Variants in TTLL9 observed in about 807,000 individuals in gnomAD.
The protein encoded by TTLL9 is tubulin tyrosine ligase like 9.
TTLL9 carries 47 observed loss-of-function variants against 65.6 expected under a neutral mutation model. That is an observed-to-expected ratio of 0.72 (90% CI 0.57 to 0.91). The LOEUF (loss-of-function observed/expected upper bound fraction) is 0.91, where lower values mean the gene tolerates loss of function less well. Among genes scored for constraint, TTLL9 ranks in the 40% least tolerant of loss-of-function variants. TTLL9 has a pLI of 0.00. For synonymous variants in TTLL9, 179 were observed against 204.8 expected, an observed-to-expected ratio of 0.87 and a Z score of 1.07; for missense variants, 537 against 568.8, an observed-to-expected ratio of 0.94 and a Z score of 0.57.
chr20:31,929,292 A>G (rs1448975673), intron 10 of TTLL9, among the ~76,000 whole-genome samples: 2 of 152,256 alleles, frequency 1.3e-5, no homozygotes, highest in Non-Finnish European at 2.9e-5. Flanking sequence ...AATTGTTTCT[A>G]CAATGGATAG....
At chr20:31,915,182 G>C (rs1488998356) in intron 6 of TTLL9, among the ~76,000 whole-genome samples, 1 of 152,196 alleles carries the variant, frequency 6.6e-6, no homozygotes, top group Non-Finnish European at 1.5e-5. Flanking sequence ...ATTCCTAATA[G>C]AAAGGAATGT....
At chr20:31,913,406 A>G (rs893103076) in intron 6 of TTLL9, among the ~76,000 whole-genome samples, 3 of 152,124 alleles carry the variant, frequency 2.0e-5, no homozygotes, top group Non-Finnish European at 4.4e-5. Context: ...AAAACAGAAC[A>G]TTGCCCTAAA....
At chr20:31,890,006 CTTT>C (rs2063268632) in intron 3 of TTLL9, among the ~76,000 whole-genome samples, 1 of 139,564 alleles carries the variant, frequency 7.2e-6, no homozygotes, top group African/African-American at 3.0e-5. Context: ...TTCTTTCTTT[CTTT>C]CTTTCTTTCT....
intron 2 of TTLL9, among the ~76,000 whole-genome samples, chr20:31,881,365 T>C (rs1173950564): frequency 6.6e-6 from 1 of 152,206 alleles, no homozygotes; most frequent in Non-Finnish European, 1.5e-5. Flanking sequence ...CTACAGTTGA[T>C]ACATGTTGAA....
chr20:31,894,772 C>T (rs1419810248), intron 3 of TTLL9, among the ~76,000 whole-genome samples: 12 of 151,758 alleles, frequency 7.9e-5, no homozygotes, highest in Admixed American at 4.6e-4. Flanking sequence ...ATAGAGTATG[C>T]GAGCTCCTTC....
At chr20:31,887,351 A>G (rs996292829) in intron 3 of TTLL9, 112 bp downstream of exon 3, 9 of 1,200,950 alleles carry the variant, frequency 7.5e-6, no homozygotes, top group African/African-American at 3.0e-5. Flanking sequence ...TGAAAATGAT[A>G]GTAGAAGGAG....
At chr20:31,923,969 T>C (rs1485252819) in intron 8 of TTLL9, among the ~76,000 whole-genome samples, 2 of 152,152 alleles carry the variant, frequency 1.3e-5, no homozygotes, top group Non-Finnish European at 2.9e-5. Context: ...CTTGGGCATC[T>C]GCCAACCACT....
chr20:31,889,517 G>A (rs2063251667), intron 3 of TTLL9, among the ~76,000 whole-genome samples: 1 of 151,582 alleles, frequency 6.6e-6, no homozygotes, highest in South Asian at 2.1e-4. Flanking sequence ...CTGCCTCCCG[G>A]GTTCAAGTGA....
intron 4 of TTLL9, chr20:31,901,344 C>T (rs547171859): frequency 4.6e-5 from 7 of 152,236 alleles, no homozygotes; most frequent in Admixed American, 2.6e-4. Flanking sequence ...CTGACCCCTG[C>T]GATTTTCTCC....
intron 5 of TTLL9, among the ~76,000 whole-genome samples, chr20:31,909,437 C>T (rs752400194): frequency 1.5e-4 from 23 of 152,118 alleles, no homozygotes; most frequent in African/African-American, 4.8e-4. Context: ...CCACTGCGCC[C>T]GGCCAAAAGC....
intron 6 of TTLL9, among the ~76,000 whole-genome samples, chr20:31,917,224 C>T (rs962169100): frequency 1.3e-5 from 2 of 152,214 alleles, no homozygotes; most frequent in Non-Finnish European, 2.9e-5. Flanking sequence ...TCTCAGGCCC[C>T]TTTCCACTCA....
rs533366648 is a variant in TTLL9, at chr20:31,912,160, C to A, written c.504+2238C>A. 2.0e-5 allele frequency among the ~76,000 whole-genome samples: 3 copies of A among 152,284 alleles called. No homozygotes were observed. In the East Asian group the frequency reaches 5.8e-4, roughly 29 times the overall value. ...ATATCAAGGGCTTGGCATTAGGTGC[C>A]TGATAATTGACCATTTTCATTGTTA... On this transcript the variant is annotated intron_variant, in intron 6 of 14. Transcript: ENST00000535842.
rs2064134825 is a variant in TTLL9 at position 31,937,597 on chromosome 20, C to A, written c.1118+88C>A. The A allele has an allele frequency of 8.9e-6, 9 of 1,016,852 alleles. No homozygotes were observed. In the South Asian group the frequency reaches 1.1e-4, roughly 12 times the overall value. The allele number at this position is 1,016,852 out of a possible 1,614,324, so 63.0% of individuals were successfully genotyped here. A position where few individuals can be genotyped will look rare whatever the true frequency, so the allele number is the denominator to read the frequency against. The stretch of plus-strand genomic sequence containing the variant: ...AGAGGGGGAGCTTAGAACCTTGGGG[C>A]CTGAGTGGCCCTCAGCGATGGCTCT... On this transcript the variant is annotated intron_variant, in intron 13 of 14. Coordinates refer to ENST00000535842, the MANE Select transcript of TTLL9 (RefSeq NM_001008409.5).
At chr20:31,881,686 G>C (rs2063120205) in intron 2 of TTLL9, among the ~76,000 whole-genome samples, 1 of 145,254 alleles carries the variant, frequency 6.9e-6, no homozygotes, top group Admixed American at 7.2e-5. Flanking sequence ...GCTCACTGAA[G>C]CTTCAACCTC....
At chr20:31,935,724 C>A (rs2064097797) in intron 12 of TTLL9, among the ~76,000 whole-genome samples, 1 of 152,226 alleles carries the variant, frequency 6.6e-6, no homozygotes, top group South Asian at 2.1e-4. Context: ...TGGACACCAG[C>A]TACTGCAGGA....
In TTLL9 at chr20:31,871,207, G is replaced by A. The variant is rs2062925493; in HGVS notation, c.69+12G>A. 1 of 1,613,934 alleles carries A rather than the reference G, an allele frequency of 6.2e-7. No individual in the cohort carries two copies. The highest frequency in any genetic ancestry group is 8.5e-7 in the Non-Finnish European group (1 of 1,179,800). ...CCAAGAAATTACAGGTGAATGTTGGGAGAGGGGTTTGAGGGAGGGTTCCAG... is the reference window on the plus strand; with the variant it reads ...CCAAGAAATTACAGGTGAATGTTGGAAGAGGGGTTTGAGGGAGGGTTCCAG... On this transcript the variant is annotated intron_variant, in intron 2 of 14. Coordinates refer to ENST00000535842, the MANE Select transcript of TTLL9 (RefSeq NM_001008409.5).
At chr20:31,920,909 A>T (rs943633176) in intron 7 of TTLL9, among the ~76,000 whole-genome samples, 1 of 152,196 alleles carries the variant, frequency 6.6e-6, no homozygotes, top group African/African-American at 2.4e-5. Context: ...TGAAGGGGAC[A>T]ATAGGTGGGA....
chr20:31,873,795 A>C (rs1289241124), intron 2 of TTLL9, among the ~76,000 whole-genome samples: 1 of 103,634 alleles, frequency 9.6e-6, no homozygotes, highest in African/African-American at 3.9e-5. Context: ...AAAGAAAGAA[A>C]GGAAGGAAGG....
At chr20:31,879,692 G>A in intron 2 of TTLL9, 1 of 853,032 alleles carries the variant, frequency 1.2e-6, no homozygotes, top group Non-Finnish European at 1.7e-6. Flanking sequence ...GGGGACCTAG[G>A]CTGCCAGGAC....
Sources: allele counts gnomAD v4.1 joint callset (sites outside exome capture counted in the v4.1 genomes callset), GRCh38; gene constraint gnomAD v4.1.1; transcripts MANE v1.5; gene names NCBI Gene and HGNC (gene_info 2026-07-23, HGNC 2026-07-21).